IFNAR1: variants seen among roughly 807,000 people sequenced by gnomAD.
IFNAR1 encodes the protein interferon alpha/beta receptor 1.
Under a neutral mutation model 62.1 loss-of-function variants are expected in IFNAR1, and 47 were observed. That is an observed-to-expected ratio of 0.76 (90% CI 0.60 to 0.97). The LOEUF (loss-of-function observed/expected upper bound fraction) is 0.97. IFNAR1 is among the 50% of genes least tolerant of loss of function. The pLI is 0.00. For missense variants in IFNAR1, 638 were observed against 654.5 expected (o/e 0.97, Z 0.27); for synonymous variants, 219 against 226.9 (o/e 0.97, Z 0.31).
intron 8 of IFNAR1, 134 bp from the exon 9 acceptor site, chr21:33,352,621 CAAA>C: frequency 2.0e-6 from 1 of 512,256 alleles, no homozygotes; most frequent in Middle Eastern, 5.4e-4. Flanking sequence ...CAAAACAAAA[CAAA>C]ACAAAACAAA....
chr21:33,352,873 T>G lies in IFNAR1; in HGVS notation c.1259T>G (p.Val420Gly), dbSNP rs1241210275. The change falls in exon 9 of 11, where the codon GTT (valine) becomes GGT (glycine). Residue 420 changes from valine to glycine, a missense_variant. Transcript: ENST00000270139. ...TMDEKLNKSS[V>G]FSDAVCEKTK... ...GATGAAAAGCTGAATAAAAGCAGTG[T>G]TTTTAGTGACGCTGTATGTGAGAAA... 1 of 1,601,580 alleles carries G rather than the reference T, an allele frequency of 6.2e-7. No individual in the cohort carries two copies.
chr21:33,333,289 T>C (rs888405385), intron 1 of IFNAR1, among the ~76,000 whole-genome samples: 9 of 152,202 alleles, frequency 5.9e-5, no homozygotes, highest in African/African-American at 2.2e-4. Context: ...AAGCAAAAAC[T>C]GAGGGAATTC....
chr21:33,352,256 A>G (rs913894298), intron 8 of IFNAR1, among the ~76,000 whole-genome samples: 2 of 152,156 alleles, frequency 1.3e-5, no homozygotes, highest in African/African-American at 4.8e-5. Context: ...AATAGATCAT[A>G]TGCTTTTTTG....
rs768378617 is a variant in IFNAR1 at position 33,353,763 on chromosome 21, CCTT to C, written c.1425_1427del (p.Ser477del). 10 of 1,584,044 alleles carry C rather than the reference CCTT, an allele frequency of 6.3e-6. No homozygotes were observed. Among genetic ancestry groups the C allele is most frequent in the African/African-American group, 4.1e-5 (3 of 73,104 alleles). ...TTATGTCTTCTTTCCATCACTTAAA[CCTT>C]CTTCCAGTATAGATGAGGTATGTTA... On this transcript the variant is annotated inframe_deletion, in exon 10 of 11. Transcript: ENST00000270139.
rs1384168868 is a variant in IFNAR1, at chr21:33,335,532, A to T, written c.85A>T (p.Asn29Tyr). Reference sequence around the variant, plus strand: ...TCTTGTTGCTTTTATAGGTGGAAAAAATCTAAAATCTCCTCAAAAAGTAGA... The same window carrying T: ...TCTTGTTGCTTTTATAGGTGGAAAATATCTAAAATCTCCTCAAAAAGTAGA... ...WVLSAAAGGK[N>Y]LKSPQKVEVD... is the part of the protein sequence containing the mutation. The change falls in exon 2 of 11, where the codon AAT (asparagine) becomes TAT (tyrosine). Residue 29 changes from asparagine (N) to tyrosine (Y), a missense_variant. Transcript: ENST00000270139. 6.3e-7 allele frequency: 1 copy of T among 1,587,900 alleles called. No individual in the cohort carries two copies. Among genetic ancestry groups the T allele is most frequent in the Non-Finnish European group, 8.6e-7 (1 of 1,161,808 alleles).
chr21:33,325,027 T>A lies in IFNAR1; in HGVS notation c.-29T>A. The A allele has an allele frequency of 6.4e-7, 1 of 1,572,166 alleles. No individual in the cohort carries two copies. Among genetic ancestry groups the A allele is most frequent in the South Asian group, 1.2e-5 (1 of 86,072 alleles). ...GAGGAGCTGCGCGTGCGCGAACATG[T>A]AACTGGTGGGATCTGCGGCGGCTCC... On this transcript the variant is annotated 5_prime_UTR_variant, in exon 1 of 11. The change abolishes the stop of an existing upstream ORF in the 5' untranslated region. Coordinates refer to ENST00000270139, the MANE Select transcript of IFNAR1 (RefSeq NM_000629.3).
chr21:33,345,803 T>C (rs2083339909), intron 6 of IFNAR1, among the ~76,000 whole-genome samples: 1 of 152,242 alleles, frequency 6.6e-6, no homozygotes, highest in Non-Finnish European at 1.5e-5. Context: ...TTTATTACTT[T>C]AGTGGTTTTG....
chr21:33,334,637 A>G (rs2083215545), intron 1 of IFNAR1: 3 of 677,436 alleles, frequency 4.4e-6, no homozygotes, highest in Non-Finnish European at 8.3e-6. Flanking sequence ...AGATTCAGGC[A>G]GGTGCAATGG....
In IFNAR1 at chr21:33,359,015, GT is replaced by G. The variant is rs1352315857; in HGVS notation, c.*3467del. ...TATTGATTTATTTTGTTTGCTGTCT[GT>G]CTCCCCTGCCCCACTGCTGGAACAG... On this transcript the variant is annotated 3_prime_UTR_variant, in exon 11 of 11. Coordinates refer to ENST00000270139, the MANE Select transcript of IFNAR1 (RefSeq NM_000629.3). 6.6e-6 allele frequency: 1 copy of G among 152,054 alleles called. No individual in the cohort carries two copies. The highest frequency in any genetic ancestry group is 2.4e-5 in the African/African-American group (1 of 41,378). 9.4% of individuals were successfully genotyped at this position (152,054 alleles called of 1,614,324 possible). A position where few individuals can be genotyped will look rare whatever the true frequency, so the allele number is the denominator to read the frequency against.
At chr21:33,338,053 TCAA>T (rs1234452766) in intron 2 of IFNAR1, among the ~76,000 whole-genome samples, 1 of 151,876 alleles carries the variant, frequency 6.6e-6, no homozygotes, top group African/African-American at 2.4e-5. Context: ...ACTCAAACAA[TCAA>T]CAACAAAACC....
intron 2 of IFNAR1, among the ~76,000 whole-genome samples, chr21:33,340,300 T>G (rs1224814433): frequency 6.6e-6 from 1 of 152,064 alleles, no homozygotes; most frequent in African/African-American, 2.4e-5. Flanking sequence ...GGTAAGTCTA[T>G]TCATAGGAGG....
At chr21:33,335,730 A>G in intron 2 of IFNAR1, 83 bp downstream of exon 2, 1 of 1,171,754 alleles carries the variant, frequency 8.5e-7, no homozygotes, top group Non-Finnish European at 1.2e-6. Context: ...TTAGATTTGG[A>G]AAGTGTTTGG....
chr21:33,334,760 C>A, intron 1 of IFNAR1: 1 of 787,358 alleles, frequency 1.3e-6, no homozygotes, highest in Non-Finnish European at 2.3e-6. Flanking sequence ...TGAGGGGCAG[C>A]TGGATGTCCA....
In IFNAR1 at chr21:33,339,204, A is replaced by G. The variant is rs1397159014; in HGVS notation, c.201-1795A>G. Among the ~76,000 whole-genome samples, 3 of 152,296 alleles carry G rather than the reference A, an allele frequency of 2.0e-5. No homozygotes were observed. In the East Asian group the frequency reaches 5.8e-4, roughly 29 times the overall value. ...AATTATATTAAGTTTTAAATTTTTG[A>G]TAAGGTTTTCTGTTTATAATGAGAG... On this transcript the variant is annotated intron_variant, in intron 2 of 10. Coordinates refer to ENST00000270139, the MANE Select transcript of IFNAR1 (RefSeq NM_000629.3).
intron 5 of IFNAR1, 75 bp downstream of exon 5, chr21:33,343,751 CTGAAGTTTACA>C: frequency 1.1e-6 from 1 of 941,262 alleles, no homozygotes; most frequent in East Asian, 2.4e-5. Context: ...CCCCATATTG[CTGAAGTTTACA>C]TGATAGGTCA....
At chr21:33,352,671 G>C in intron 8 of IFNAR1, 87 bp from the exon 9 acceptor site, 1 of 711,418 alleles carries the variant, frequency 1.4e-6, no homozygotes, top group Non-Finnish European at 2.4e-6. Flanking sequence ...GCCAATGTTA[G>C]ACTGAACATA....
At chr21:33,342,926 A>G (rs967066271) in intron 3 of IFNAR1, among the ~76,000 whole-genome samples, 3 of 149,146 alleles carry the variant, frequency 2.0e-5, no homozygotes, top group African/African-American at 2.5e-5. Context: ...GCAAATTCCC[A>G]GTCCTCTTCT....
chr21:33,347,805 C>G (rs2083363910), intron 6 of IFNAR1, among the ~76,000 whole-genome samples: 1 of 152,184 alleles, frequency 6.6e-6, no homozygotes, highest in Non-Finnish European at 1.5e-5. Context: ...GGGGCCATCT[C>G]AGAATTTTGC....
At chr21:33,350,846 T>G (rs2083391192) in intron 8 of IFNAR1, among the ~76,000 whole-genome samples, 1 of 152,188 alleles carries the variant, frequency 6.6e-6, no homozygotes, top group Non-Finnish European at 1.5e-5. Flanking sequence ...AAACCTAAAT[T>G]TCTATCTCAC....
Sources: allele counts gnomAD v4.1 joint callset (sites outside exome capture counted in the v4.1 genomes callset), GRCh38; gene constraint gnomAD v4.1.1; transcripts MANE v1.5; gene names NCBI Gene and HGNC (gene_info 2026-07-23, HGNC 2026-07-21).